TMEFF1: variants seen among roughly 807,000 people sequenced by gnomAD.
The protein encoded by TMEFF1 is transmembrane protein with EGF like and two follistatin like domains 1.
In TMEFF1, 20 loss-of-function variants were observed where a neutral mutation model predicts 47.5. That is an observed-to-expected ratio of 0.42 (90% CI 0.30 to 0.61). The LOEUF (loss-of-function observed/expected upper bound fraction) is 0.61, where lower values mean the gene tolerates loss of function less well. Among genes scored for constraint, TMEFF1 ranks in the 20% least tolerant of loss-of-function variants. The pLI, the probability that TMEFF1 is intolerant of heterozygous loss-of-function variation, is 0.19. For missense variants in TMEFF1, 411 were observed against 471.1 expected, an observed-to-expected ratio of 0.87 and a Z score of 1.18; for synonymous variants, 162 against 166.3, an observed-to-expected ratio of 0.97 and a Z score of 0.20.
intron 8 of TMEFF1, among the ~76,000 whole-genome samples, chr9:100,566,648 A>G (rs1186705863): frequency 6.6e-6 from 1 of 152,080 alleles, no homozygotes. Context: ...CCGTGATTGT[A>G]TTCTACAGTC....
At chr9:100,494,134 G>C (rs1837609126) in intron 1 of TMEFF1, among the ~76,000 whole-genome samples, 1 of 151,064 alleles carries the variant, frequency 6.6e-6, no homozygotes, top group Admixed American at 6.6e-5. Context: ...TTGAGCCCAG[G>C]AGGCAGAGGT....
At chr9:100,535,596 C>A (rs955723133) in intron 5 of TMEFF1, among the ~76,000 whole-genome samples, 1 of 152,212 alleles carries the variant, frequency 6.6e-6, no homozygotes, top group African/African-American at 2.4e-5. Flanking sequence ...CATGGCCAAA[C>A]CCTGCCTCTA....
intron 7 of TMEFF1, among the ~76,000 whole-genome samples, chr9:100,558,048 A>T (rs1462429257): frequency 6.6e-6 from 1 of 152,100 alleles, no homozygotes; most frequent in Non-Finnish European, 1.5e-5. Context: ...TCTTTCATTA[A>T]TTCATTCAGT....
intron 2 of TMEFF1, 133 bp from the exon 3 acceptor site, chr9:100,508,872 A>G: frequency 3.9e-6 from 1 of 253,758 alleles, no homozygotes; most frequent in African/African-American, 3.3e-5. Context: ...TTTTTAAGCC[A>G]AAAAAAAAAA....
At chr9:100,568,586 C>T (rs1328312158) in intron 8 of TMEFF1, among the ~76,000 whole-genome samples, 3 of 119,640 alleles carry the variant, frequency 2.5e-5, no homozygotes, top group Non-Finnish European at 5.7e-5. Context: ...CTCCTTCCTT[C>T]CCTCCCTCTC....
chr9:100,497,320 CTTTTTTTTTT>C (rs752427622), intron 1 of TMEFF1, among the ~76,000 whole-genome samples: 1 of 59,548 alleles, frequency 1.7e-5, no homozygotes, highest in Non-Finnish European at 3.1e-5. Flanking sequence ...CCACTCATGT[CTTTTTTTTTT>C]TTTTTTTTTT....
intron 8 of TMEFF1, among the ~76,000 whole-genome samples, chr9:100,569,967 C>T (rs998895333): frequency 1.3e-5 from 2 of 152,170 alleles, no homozygotes; most frequent in Non-Finnish European, 2.9e-5. Context: ...TCCCTGGTAA[C>T]CACTATTCTA....
intron 7 of TMEFF1, among the ~76,000 whole-genome samples, chr9:100,559,891 T>A (rs1838982226): frequency 6.6e-6 from 1 of 152,132 alleles, no homozygotes; most frequent in Non-Finnish European, 1.5e-5. Flanking sequence ...AATAATATCA[T>A]TTTGGTCTGA....
At chr9:100,572,785 C>G in intron 9 of TMEFF1, 109 bp downstream of exon 9, 1 of 1,354,522 alleles carries the variant, frequency 7.4e-7, no homozygotes, top group Non-Finnish European at 9.7e-7. Flanking sequence ...TGATCAGTTC[C>G]CTGAGGTTTT....
intron 1 of TMEFF1, among the ~76,000 whole-genome samples, chr9:100,478,894 T>C (rs1018807788): frequency 6.6e-6 from 1 of 152,160 alleles, no homozygotes; most frequent in African/African-American, 2.4e-5. Context: ...GTTAAAGAGG[T>C]AGAAGAACAT....
At chr9:100,533,768 G>T (rs1838448651) in intron 5 of TMEFF1, among the ~76,000 whole-genome samples, 1 of 151,972 alleles carries the variant, frequency 6.6e-6, no homozygotes, top group South Asian at 2.1e-4. Context: ...CGCCAGGCTG[G>T]AGTGCAATGG....
chr9:100,505,561 A>G (rs994453671), intron 2 of TMEFF1, among the ~76,000 whole-genome samples: 7 of 152,168 alleles, frequency 4.6e-5, no homozygotes, highest in Admixed American at 2.0e-4. Context: ...TTGTAGTATT[A>G]AGGAAAGTCT....
intron 8 of TMEFF1, among the ~76,000 whole-genome samples, chr9:100,564,912 T>C (rs1839092526): frequency 6.6e-6 from 1 of 152,058 alleles, no homozygotes; most frequent in Non-Finnish European, 1.5e-5. Context: ...ACCTGTTAGG[T>C]TGGATATGAG....
chr9:100,547,271 C>T (rs1054824969), intron 5 of TMEFF1, among the ~76,000 whole-genome samples: 2 of 152,130 alleles, frequency 1.3e-5, no homozygotes, highest in East Asian at 3.9e-4. Flanking sequence ...CTACCTTGGC[C>T]TCCCGAAGTG....
At chr9:100,502,535 A>T (rs911998106) in intron 2 of TMEFF1, among the ~76,000 whole-genome samples, 15 of 151,358 alleles carry the variant, frequency 9.9e-5, no homozygotes, top group Admixed American at 2.6e-4. Context: ...GATTAAAAAA[A>T]TTTTTTTTTG....
chr9:100,491,193 G>C (rs1837546274), intron 1 of TMEFF1, among the ~76,000 whole-genome samples: 1 of 152,006 alleles, frequency 6.6e-6, no homozygotes, highest in Non-Finnish European at 1.5e-5. Context: ...AAATGTTTCT[G>C]CTATTTTCAG....
intron 1 of TMEFF1, among the ~76,000 whole-genome samples, chr9:100,480,092 G>C (rs73655579): frequency 1.3e-5 from 2 of 152,016 alleles, no homozygotes; most frequent in African/African-American, 4.8e-5. Flanking sequence ...TATCAATGTC[G>C]TTTTTATTTG....
intron 5 of TMEFF1, among the ~76,000 whole-genome samples, chr9:100,533,114 G>T (rs1838428350): frequency 6.7e-6 from 1 of 149,856 alleles, no homozygotes; most frequent in Admixed American, 6.6e-5. Context: ...GGGAGGGATA[G>T]CATTGGGAGA....
At chr9:100,556,841 T>G (rs1423064502) in intron 7 of TMEFF1, among the ~76,000 whole-genome samples, 1 of 152,114 alleles carries the variant, frequency 6.6e-6, no homozygotes, top group Non-Finnish European at 1.5e-5. Context: ...GTTTGGATTA[T>G]GTACTAACCT....
Sources: gnomAD v4.1 joint callset for allele counts (sites outside exome capture counted in the v4.1 genomes callset) on GRCh38, gnomAD v4.1.1 for gene constraint, MANE v1.5 for transcripts, NCBI Gene and HGNC (gene_info 2026-07-23, HGNC 2026-07-21) for gene names.